Variants in MED11 observed in about 807,000 individuals in gnomAD.
MED11 encodes the protein mediator complex subunit 11.
A neutral mutation model predicts 13.9 loss-of-function variants in MED11; 19 were observed. That is an observed-to-expected ratio of 1.36 (90% CI 0.95 to 2.00). The LOEUF (loss-of-function observed/expected upper bound fraction) is 2.00, where lower values mean the gene tolerates loss of function less well. Ranked by LOEUF, MED11 falls within the 30% of genes most tolerant of loss-of-function variation. The probability of loss-of-function intolerance (pLI) is 0.00; values close to 1 mark genes in which losing one functional copy is unlikely to be tolerated. For missense variants in MED11, 134 were observed against 150.2 expected (o/e 0.89, Z 0.56); for synonymous variants, 67 against 62.1 (o/e 1.08, Z -0.37).
chr17:4,733,125 G>T lies in MED11; in HGVS notation c.292G>T (p.Asp98Tyr), dbSNP rs1311198662. 1 of 1,614,034 alleles carries T rather than the reference G, an allele frequency of 6.2e-7. No homozygotes were observed. Among genetic ancestry groups the T allele is most frequent in the Non-Finnish European group, 8.5e-7 (1 of 1,180,016 alleles). Residue 98 changes from aspartate (D) to tyrosine (Y), a missense_variant, in exon 3 of 3, where the codon GAC becomes TAC. Physicochemically the swap from Asp to Tyr is radical, Grantham distance 160. Transcript: ENST00000293777. Reference protein sequence around the residue: ...KDCQMALKRVDYARLKLSDVA... With the variant: ...KDCQMALKRVYYARLKLSDVA... ...CTGTCAGATGGCTCTGAAGCGAGTG[G>T]ACTATGCCCGCCTCAAGCTCAGTGA...
At chr17:4,731,931 G>A (rs747727336) in intron 2 of MED11, 25 bp downstream of exon 2, 2 of 1,607,162 alleles carry the variant, frequency 1.2e-6, no homozygotes, top group Non-Finnish European at 8.5e-7. Flanking sequence ...GGGGTTCTGC[G>A]AGCGAACCCC....
At position 4,731,497 on chromosome 17, in the gene MED11, C is replaced by T. The variant is rs551014463; in HGVS notation, c.8C>T (p.Thr3Ile). 2.6e-5 allele frequency: 42 copies of T among 1,613,926 alleles called. No homozygotes were observed. The East Asian group carries it at 7.1e-4, about 27-fold the overall frequency. ...AGAATTCCCAGAGTGATAATGGCTACCTACAGCCTGGCGAACGAGAGACTA... is the reference window on the plus strand; with the variant it reads ...AGAATTCCCAGAGTGATAATGGCTATCTACAGCCTGGCGAACGAGAGACTA... MA[T>I]YSLANERLRA... The change falls in exon 1 of 3, where the codon ACC (threonine) becomes ATC (isoleucine). Residue 3 changes from threonine (T) to isoleucine (I), a missense_variant. Transcript: ENST00000293777.
Position 4,733,279 on chromosome 17 carries a change from C to T in MED11, c.*92C>T. 1.4e-6 allele frequency: 2 copies of T among 1,480,730 alleles called. No homozygotes were observed. The highest frequency in any genetic ancestry group is 1.8e-6 in the Non-Finnish European group (2 of 1,087,706). The allele number at this position is 1,480,730 out of a possible 1,614,324, so 91.7% of individuals were successfully genotyped here. A position where few individuals can be genotyped will look rare whatever the true frequency, so the allele number is the denominator to read the frequency against. On this transcript the variant is annotated 3_prime_UTR_variant, in exon 3 of 3. Coordinates refer to ENST00000293777, the MANE Select transcript of MED11 (RefSeq NM_001001683.4). ...CATGTAGGGTGGGGAGTATGAGCAC[C>T]AACATACCCTGCTGGTCAAAGTACC...
chr17:4,731,614 G>GTGACCGGGCTGCACTGGCAGCC, intron 1 of MED11, 40 bp downstream of exon 1: 2 of 1,612,974 alleles, frequency 1.2e-6, no homozygotes, highest in Non-Finnish European at 1.7e-6. Flanking sequence ...GAGCGAAAGC[G>GTGACCGGGCTGCACTGGCAGCC]TGACCGGGCT....
intron 2 of MED11, among the ~76,000 whole-genome samples, chr17:4,732,720 C>T (rs181475749): frequency 4.7e-4 from 72 of 152,234 alleles, no homozygotes; most frequent in African/African-American, 1.6e-3. Flanking sequence ...CTTGGCCTGA[C>T]CTCCAGGCCA....
Position 4,731,552 on chromosome 17 carries a change from C to T in MED11, c.63C>T (p.Ile21=). 2 of 1,614,176 alleles carry T rather than the reference C, an allele frequency of 1.2e-6. No homozygotes were observed. Among genetic ancestry groups the T allele is most frequent in the Non-Finnish European group, 1.7e-6 (2 of 1,180,030 alleles). The change falls in exon 1 of 3, where the codon ATC becomes ATT. Residue 21 remains isoleucine (I), a synonymous_variant. Transcript: ENST00000293777. ...CTCTGGAAGACATTGAACGGGAAAT[C>T]GGCGCCATCCTTCAGAATGCAGGTT... ...LRALEDIERE[I]GAILQNAGTV...
intron 2 of MED11, 106 bp downstream of exon 2, chr17:4,732,012 C>T (rs1405345891): frequency 4.4e-6 from 6 of 1,360,836 alleles, no homozygotes; most frequent in Non-Finnish European, 5.9e-6. Flanking sequence ...CAGACCTCCC[C>T]AGCCGGCCAT....
At chr17:4,731,721 G>A in intron 1 of MED11, 55 bp from the exon 2 acceptor site, 1 of 1,607,812 alleles carries the variant, frequency 6.2e-7, no homozygotes, top group Non-Finnish European at 8.5e-7. Context: ...GCTGGCCTAG[G>A]GAGAGGCTAC....
In MED11 at chr17:4,731,555, C is replaced by T. The variant is rs1915976121; in HGVS notation, c.66C>T (p.Gly22=). The change falls in exon 1 of 3, where the codon GGC becomes GGT. Residue 22 remains glycine (G), a synonymous_variant. Coordinates refer to ENST00000293777, the MANE Select transcript of MED11 (RefSeq NM_001001683.4). ...RALEDIEREI[G]AILQNAGTVI... is the part of the protein sequence containing the mutation. The stretch of plus-strand genomic sequence containing the variant: ...TGGAAGACATTGAACGGGAAATCGG[C>T]GCCATCCTTCAGAATGCAGGTTCGG... The T allele has an allele frequency of 6.2e-7, 1 of 1,614,156 alleles. No individual in the cohort carries two copies. The highest frequency in any genetic ancestry group is 8.5e-7 in the Non-Finnish European group (1 of 1,180,024).
chr17:4,733,497 C>A lies in MED11; in HGVS notation c.*310C>A. On this transcript the variant is annotated 3_prime_UTR_variant, in exon 3 of 3. Coordinates refer to ENST00000293777, the MANE Select transcript of MED11 (RefSeq NM_001001683.4). ...CTTCATGCTGCTGCCCCAGCCTTCC[C>A]GCAGACTTGGCCTAATGAAAATACA... The A allele has an allele frequency of 3.7e-6, 1 of 271,140 alleles. No individual in the cohort carries two copies. The highest frequency in any genetic ancestry group is 7.0e-6 in the Non-Finnish European group (1 of 142,988). 16.8% of individuals were successfully genotyped at this position (271,140 alleles called of 1,614,324 possible). A position where few individuals can be genotyped will look rare whatever the true frequency, so the allele number is the denominator to read the frequency against.
rs765561842 is a variant in MED11 at position 4,732,984 on chromosome 17, G to A, written c.217-66G>A. 2.7e-5 allele frequency: 42 copies of A among 1,560,058 alleles called. No individual in the cohort carries two copies. In the Admixed American group the frequency reaches 5.2e-4, roughly 19 times the overall value. Reference sequence around the variant, plus strand: ...TTCAAACTCAGGGAAGAAATGAGACGAGACCTGATGCCTGGTTGGAGTTAG... The same window carrying A: ...TTCAAACTCAGGGAAGAAATGAGACAAGACCTGATGCCTGGTTGGAGTTAG... On this transcript the variant is annotated intron_variant, in intron 2 of 2. Coordinates refer to ENST00000293777, the MANE Select transcript of MED11 (RefSeq NM_001001683.4).
At chr17:4,732,139 T>A (rs1241275053) in intron 2 of MED11, 1 of 492,004 alleles carries the variant, frequency 2.0e-6, no homozygotes, top group Admixed American at 3.7e-5. Context: ...AATATAAAAA[T>A]TAGGCCAGGC....
chr17:4,732,922 A>G lies in MED11; in HGVS notation c.217-128A>G. On this transcript the variant is annotated intron_variant, in intron 2 of 2. Coordinates refer to ENST00000293777, the MANE Select transcript of MED11 (RefSeq NM_001001683.4). ...TACAGACAAGATTAACATAAGTTAA[A>G]TGATTTATTTACCCAGCTACCAGAT... 2.9e-6 allele frequency: 3 copies of G among 1,050,652 alleles called. No individual in the cohort carries two copies. In the South Asian group the frequency reaches 4.6e-5, roughly 16 times the overall value. The allele number at this position is 1,050,652 out of a possible 1,614,324, so 65.1% of individuals were successfully genotyped here.
chr17:4,731,696 G>A, intron 1 of MED11, 80 bp from the exon 2 acceptor site: 1 of 1,606,746 alleles, frequency 6.2e-7, no homozygotes, highest in African/African-American at 1.3e-5. Context: ...CAGCGAAAGG[G>A]CGGGACTGAG....
intron 2 of MED11, 90 bp downstream of exon 2, chr17:4,731,996 C>A: frequency 1.4e-6 from 2 of 1,460,586 alleles, no homozygotes; most frequent in Non-Finnish European, 1.8e-6. Flanking sequence ...ATTAACTGGG[C>A]AGGACCAGAC....
intron 1 of MED11, 31 bp from the exon 2 acceptor site, chr17:4,731,745 G>T (rs1346144076): frequency 6.2e-7 from 1 of 1,610,522 alleles, no homozygotes; most frequent in African/African-American, 1.3e-5. Flanking sequence ...GGCAGTCTCC[G>T]TGTGTCCCCG....
chr17:4,731,629 T>A, intron 1 of MED11, 55 bp downstream of exon 1: 2 of 1,606,944 alleles, frequency 1.2e-6, no homozygotes, highest in Non-Finnish European at 1.7e-6. Context: ...CGGGCTGCAC[T>A]GGCAGCCTGA....
chr17:4,732,617 A>T (rs775448390), intron 2 of MED11, among the ~76,000 whole-genome samples: 5 of 151,982 alleles, frequency 3.3e-5, no homozygotes, highest in Non-Finnish European at 5.9e-5. Flanking sequence ...AAAGAATTAA[A>T]GGTGGCCCTG....
Position 4,733,049 on chromosome 17 carries a change from G to A in MED11, c.217-1G>A, listed in dbSNP as rs1916036011. On this transcript the variant is annotated splice_acceptor_variant, in intron 2 of 2. Coordinates refer to ENST00000293777, the MANE Select transcript of MED11 (RefSeq NM_001001683.4). LOFTEE classifies it high-confidence loss of function. ...TGCTCCATTGATAGTCTGTCTTGTA[G>A]GTGGCCACAGGGCAGCCCCATGAGG... is the stretch of plus-strand genomic sequence containing the variant. 2 of 1,613,992 alleles carry A rather than the reference G, an allele frequency of 1.2e-6. No individual in the cohort carries two copies. The highest frequency in any genetic ancestry group is 1.3e-5 in the African/African-American group (1 of 74,916).
Sources: gnomAD v4.1 joint callset for allele counts (sites outside exome capture counted in the v4.1 genomes callset) on GRCh38, gnomAD v4.1.1 for gene constraint, MANE v1.5 for transcripts, NCBI Gene and HGNC (gene_info 2026-07-23, HGNC 2026-07-21) for gene names.